The following FASLG variants were observed in gnomAD, a reference collection of about 807,000 sequenced individuals.
The protein encoded by FASLG is Fas ligand, also known as tumor necrosis factor ligand superfamily member 6.
A neutral mutation model predicts 24.6 loss-of-function variants in FASLG; 9 were observed. That is an observed-to-expected ratio of 0.37 (90% CI 0.22 to 0.64). FASLG has a LOEUF of 0.64. Among genes scored for constraint, FASLG ranks in the 30% least tolerant of loss-of-function variants. The probability of loss-of-function intolerance (pLI) is 0.64; values close to 1 mark genes in which losing one functional copy is unlikely to be tolerated. For missense variants in FASLG, 306 were observed against 345.3 expected (o/e 0.89, Z 0.90); for synonymous variants, 130 against 135.5 (o/e 0.96, Z 0.28).
At chr1:172,660,351 C>T (rs113202417) in intron 2 of FASLG, among the ~76,000 whole-genome samples, 1 of 152,162 alleles carries the variant, frequency 6.6e-6, no homozygotes, top group African/African-American at 2.4e-5. Context: ...TATAGCTGAG[C>T]ACTGCACACA....
At position 172,659,390 on chromosome 1, in the gene FASLG, G is replaced by A. The variant is rs1659088933; in HGVS notation, c.189G>A (p.Leu63=). 1 of 1,611,764 alleles carries A rather than the reference G, an allele frequency of 6.2e-7. No individual in the cohort carries two copies. Among genetic ancestry groups the A allele is most frequent in the Non-Finnish European group, 8.5e-7 (1 of 1,178,870 alleles). Reference sequence around the variant, plus strand: ...CACCTCCGCCGCCGCCGCCACCACTGCCTCCACTACCGCTGCCACCCCTGA... The same window carrying A: ...CACCTCCGCCGCCGCCGCCACCACTACCTCCACTACCGCTGCCACCCCTGA... ...PLPPPPPPPP[L]PPLPLPPLKK... is the part of the protein sequence containing the mutation. Residue 63 remains leucine (L), a synonymous_variant, in exon 1 of 4, where the codon CTG becomes CTA. Coordinates refer to ENST00000367721, the MANE Select transcript of FASLG (RefSeq NM_000639.3).
In FASLG at chr1:172,666,086, G is replaced by C. The variant is rs1659257709; in HGVS notation, c.*70G>C. 2 of 1,587,956 alleles carry C rather than the reference G, an allele frequency of 1.3e-6. No homozygotes were observed. The highest frequency in any genetic ancestry group is 2.2e-5 in the South Asian group (2 of 89,308). On this transcript the variant is annotated 3_prime_UTR_variant, in exon 4 of 4. Coordinates refer to ENST00000367721, the MANE Select transcript of FASLG (RefSeq NM_000639.3). ...GCACCGAGAATGTTGTATTCAGTGAGGGTCTTCTTACATGCATTTGAGGTC... is the reference window on the plus strand; with the variant it reads ...GCACCGAGAATGTTGTATTCAGTGACGGTCTTCTTACATGCATTTGAGGTC...
At chr1:172,661,421 T>C (rs567328714) in intron 2 of FASLG, among the ~76,000 whole-genome samples, 2 of 152,108 alleles carry the variant, frequency 1.3e-5, no homozygotes, top group Non-Finnish European at 2.9e-5. Flanking sequence ...TGTTAGAAAG[T>C]CCATATGTAC....
chr1:172,661,759 A>G (rs900869016), intron 2 of FASLG, among the ~76,000 whole-genome samples: 1 of 152,228 alleles, frequency 6.6e-6, no homozygotes, highest in African/African-American at 2.4e-5. Context: ...CATCAAATTA[A>G]TAAAGATTAA....
chr1:172,666,266 GA>G lies in FASLG; in HGVS notation c.*255del. On this transcript the variant is annotated 3_prime_UTR_variant, in exon 4 of 4. Transcript: ENST00000367721. Reference sequence around the variant, plus strand: ...CTGCCATGTGAAGAGGGAGAAGCATGAAAAAGCAGCTACCAGGTGTTCTACA... The same window carrying G: ...CTGCCATGTGAAGAGGGAGAAGCATGAAAAGCAGCTACCAGGTGTTCTACA... 1 of 516,248 alleles carries G rather than the reference GA, an allele frequency of 1.9e-6. No homozygotes were observed. The highest frequency in any genetic ancestry group is 3.5e-6 in the Non-Finnish European group (1 of 286,232). 32.0% of individuals were successfully genotyped at this position (516,248 alleles called of 1,614,324 possible).
At chr1:172,661,767 T>A (rs76237782) in intron 2 of FASLG, among the ~76,000 whole-genome samples, 1 of 151,326 alleles carries the variant, frequency 6.6e-6, no homozygotes, top group African/African-American at 2.4e-5. Flanking sequence ...TAATAAAGAT[T>A]AAAAAAAAAC....
chr1:172,659,153 GAGA>G lies in FASLG; in HGVS notation c.-43_-41del, dbSNP rs1293265505. Reference sequence around the variant, plus strand: ...TTGACACCTCAGCCTCTACAGGACTGAGAAGAAGTAAAACCGTTTGCTGGGGCT... The same window carrying G: ...TTGACACCTCAGCCTCTACAGGACTGAGAAGTAAAACCGTTTGCTGGGGCT... On this transcript the variant is annotated 5_prime_UTR_variant, in exon 1 of 4. Coordinates refer to ENST00000367721, the MANE Select transcript of FASLG (RefSeq NM_000639.3). 5.0e-6 allele frequency: 8 copies of G among 1,613,174 alleles called. No homozygotes were observed. Among genetic ancestry groups the G allele is most frequent in the African/African-American group, 2.7e-5 (2 of 74,942 alleles).
Position 172,666,860 on chromosome 1 carries a change from T to A in FASLG, c.*844T>A, listed in dbSNP as rs950538533. On this transcript the variant is annotated 3_prime_UTR_variant, in exon 4 of 4. Transcript: ENST00000367721. ...ATGAAAACATGTAATAAAAAGTATA[T>A]GTTAGGATACAAATAATTTTTAGAA... The A allele has an allele frequency of 4.6e-5, 7 of 152,386 alleles. No homozygotes were observed. The highest frequency in any genetic ancestry group is 2.1e-4 in the South Asian group (1 of 4,834). The allele number at this position is 152,386 out of a possible 1,614,324, so 9.4% of individuals were successfully genotyped here.
In FASLG at chr1:172,666,075, G is replaced by A. The variant is rs935694247; in HGVS notation, c.*59G>A. On this transcript the variant is annotated 3_prime_UTR_variant, in exon 4 of 4. Coordinates refer to ENST00000367721, the MANE Select transcript of FASLG (RefSeq NM_000639.3). ...CTTTGTTACAGGCACCGAGAATGTT[G>A]TATTCAGTGAGGGTCTTCTTACATG... 1 of 1,601,244 alleles carries A rather than the reference G, an allele frequency of 6.2e-7. No individual in the cohort carries two copies. The highest frequency in any genetic ancestry group is 8.5e-7 in the Non-Finnish European group (1 of 1,173,234).
chr1:172,662,373 A>C (rs1423914459), intron 2 of FASLG, among the ~76,000 whole-genome samples: 1 of 152,158 alleles, frequency 6.6e-6, no homozygotes, highest in Non-Finnish European at 1.5e-5. Flanking sequence ...TAACTAATTA[A>C]ATCTTTTATT....
At chr1:172,663,405 A>T (rs1159656670) in intron 2 of FASLG, among the ~76,000 whole-genome samples, 1 of 152,174 alleles carries the variant, frequency 6.6e-6, no homozygotes, top group Non-Finnish European at 1.5e-5. Flanking sequence ...ATTTCAAAAG[A>T]GGGGCAGATC....
rs1659106131 is a variant in FASLG, at chr1:172,660,152, T to C, written c.394+12T>C. On this transcript the variant is annotated intron_variant, in intron 2 of 3. Transcript: ENST00000367721. ...GGAGAAGCAAATAGGTGAGTCTTTTTTCGCATGTACATTGAGTTCCCAAAG... is the reference window on the plus strand; with the variant it reads ...GGAGAAGCAAATAGGTGAGTCTTTTCTCGCATGTACATTGAGTTCCCAAAG... 3.7e-6 allele frequency: 6 copies of C among 1,613,704 alleles called. No individual in the cohort carries two copies. The highest frequency in any genetic ancestry group is 4.2e-6 in the Non-Finnish European group (5 of 1,179,582).
chr1:172,659,629 T>G, intron 1 of FASLG, 80 bp downstream of exon 1: 3 of 1,521,158 alleles, frequency 2.0e-6, no homozygotes. Context: ...GCTTGCAAAG[T>G]GCTTTTCAAT....
chr1:172,663,788 T>C (rs919694588), intron 2 of FASLG, among the ~76,000 whole-genome samples: 5 of 152,178 alleles, frequency 3.3e-5, no homozygotes, highest in Non-Finnish European at 4.4e-5. Context: ...AAAATGTCAC[T>C]GGGGGAAGAT....
intron 2 of FASLG, among the ~76,000 whole-genome samples, chr1:172,661,479 C>T (rs1248060270): frequency 1.3e-5 from 2 of 152,142 alleles, no homozygotes; most frequent in South Asian, 2.1e-4. Flanking sequence ...CTCTGGAGGA[C>T]GTCTGAAATA....
rs534527161 is a variant in FASLG at position 172,666,220 on chromosome 1, G to A, written c.*204G>A. ...AGCCAGACAAATGGAGGAATATGAC[G>A]GAAGAACATAGAACTCTGGGCTGCC... On this transcript the variant is annotated 3_prime_UTR_variant, in exon 4 of 4. Coordinates refer to ENST00000367721, the MANE Select transcript of FASLG (RefSeq NM_000639.3). 1.9e-5 allele frequency: 12 copies of A among 617,156 alleles called. No individual in the cohort carries two copies. Among genetic ancestry groups the A allele is most frequent in the African/African-American group, 7.4e-5 (4 of 54,236 alleles). 38.2% of individuals were successfully genotyped at this position (617,156 alleles called of 1,614,324 possible). A position where few individuals can be genotyped will look rare whatever the true frequency, so the allele number is the denominator to read the frequency against.
intron 1 of FASLG, 67 bp from the exon 2 acceptor site, chr1:172,660,028 G>A (rs887612686): frequency 3.4e-5 from 51 of 1,492,928 alleles, no homozygotes; most frequent in East Asian, 1.6e-4. Flanking sequence ...TTTATTTGAC[G>A]ATTCTGCCTC....
Position 172,666,184 on chromosome 1 carries a change from T to G in FASLG, c.*168T>G. 1 of 709,144 alleles carries G rather than the reference T, an allele frequency of 1.4e-6. No homozygotes were observed. The highest frequency in any genetic ancestry group is 2.3e-6 in the Non-Finnish European group (1 of 427,200). 43.9% of individuals were successfully genotyped at this position (709,144 alleles called of 1,614,324 possible). ...AATGTCTGTAGCTCCTCAACTCACC[T>G]AATGTTTATGAGCCAGACAAATGGA... On this transcript the variant is annotated 3_prime_UTR_variant, in exon 4 of 4. Coordinates refer to ENST00000367721, the MANE Select transcript of FASLG (RefSeq NM_000639.3).
Position 172,666,321 on chromosome 1 carries a change from C to A in FASLG, c.*305C>A, listed in dbSNP as rs1659264270. On this transcript the variant is annotated 3_prime_UTR_variant, in exon 4 of 4. Transcript: ENST00000367721. ...ATCTTAGTGCCTGAGAGTATTTAGG[C>A]AGATTGAAAAGGACACCTTTTAACT... 1 of 360,784 alleles carries A rather than the reference C, an allele frequency of 2.8e-6. No individual in the cohort carries two copies. The highest frequency in any genetic ancestry group is 3.7e-5 in the South Asian group (1 of 27,162). The allele number at this position is 360,784 out of a possible 1,614,324, so 22.3% of individuals were successfully genotyped here.
Sources: gnomAD v4.1 joint callset for allele counts (sites outside exome capture counted in the v4.1 genomes callset) on GRCh38, gnomAD v4.1.1 for gene constraint, MANE v1.5 for transcripts, NCBI Gene and HGNC (gene_info 2026-07-23, HGNC 2026-07-21) for gene names.